ZFR2: variants seen among roughly 807,000 people sequenced by gnomAD.
ZFR2 encodes the protein zinc finger RNA-binding protein 2.
ZFR2 carries 104 observed loss-of-function variants against 105.7 expected under a neutral mutation model. The ratio of observed to expected loss-of-function variants is 0.98; its 90% confidence interval spans 0.84 to 1.16. The LOEUF is 1.16. ZFR2 is among the 50% of genes most tolerant of loss of function. ZFR2 has a pLI of 0.00. For missense variants in ZFR2, 1,425 were observed against 1,355.5 expected (o/e 1.05, Z -0.80); for synonymous variants, 634 against 597.7 (o/e 1.06, Z -0.89).
At position 3,804,217 on chromosome 19, in the gene ZFR2, A is replaced by C. The variant is rs79534907; in HGVS notation, c.*1732T>G. 11,312 of 152,258 alleles carry C rather than the reference A, an allele frequency of 0.074. 1,271 individuals carry two copies. The highest frequency in any genetic ancestry group is 0.25 in the African/African-American group (10,213 of 41,474). 9.4% of individuals were successfully genotyped at this position (152,258 alleles called of 1,614,324 possible). A position where few individuals can be genotyped will look rare whatever the true frequency, so the allele number is the denominator to read the frequency against. Reference sequence around the variant, plus strand: ...TGGGCAGCTGGCCAAAGAAAAAAAAACTGACCAAGCGGAAGGTTTGAACAG... The same window carrying C: ...TGGGCAGCTGGCCAAAGAAAAAAAACCTGACCAAGCGGAAGGTTTGAACAG... On this transcript the variant is annotated 3_prime_UTR_variant, in exon 19 of 19. Transcript: ENST00000262961.
chr19:3,833,846 G>T, intron 2 of ZFR2, 68 bp from the exon 3 acceptor site: 1 of 1,235,752 alleles, frequency 8.1e-7, no homozygotes, highest in Non-Finnish European at 1.1e-6. Flanking sequence ...TGGGTGCGAC[G>T]CGCCCTGCCA....
At position 3,827,556 on chromosome 19, in the gene ZFR2, G is replaced by C. The variant is rs564576533; in HGVS notation, c.950C>G (p.Ala317Gly). ...QPNGSPRGVQ[A>G]QLHCDLCAVS... ...GGCGCACAGGTCGCAATGCAGCTGCGCCTGCACCCCGCGCGGGCTCCCGTT... is the reference window on the plus strand; with the variant it reads ...GGCGCACAGGTCGCAATGCAGCTGCCCCTGCACCCCGCGCGGGCTCCCGTT... Residue 317 changes from alanine (A) to glycine (G), a missense_variant, in exon 6 of 19, where the codon GCG (alanine) becomes GGG (glycine). Coordinates refer to ENST00000262961, the MANE Select transcript of ZFR2 (RefSeq NM_015174.2). 6.4e-7 allele frequency: 1 copy of C among 1,564,180 alleles called. No individual in the cohort carries two copies.
At chr19:3,807,570 C>T (rs138326070) in intron 17 of ZFR2, among the ~76,000 whole-genome samples, 156 of 151,788 alleles carry the variant, frequency 1.0e-3, no homozygotes, top group African/African-American at 3.3e-3. Flanking sequence ...TGTGTCCATG[C>T]GTGCCCATGT....
At chr19:3,827,832 A>T (rs2037969514) in intron 5 of ZFR2, among the ~76,000 whole-genome samples, 179 bp from the exon 6 acceptor site, 2 of 151,770 alleles carry the variant, frequency 1.3e-5, no homozygotes, top group South Asian at 4.1e-4. Context: ...TCTTATTTTT[A>T]TTTTTTGAGA....
At chr19:3,826,668 C>T (rs2037953787) in intron 6 of ZFR2, among the ~76,000 whole-genome samples, 1 of 151,808 alleles carries the variant, frequency 6.6e-6, no homozygotes, top group African/African-American at 2.4e-5. Context: ...AGGCTCCCAA[C>T]CTCATGCGAT....
At chr19:3,825,120 C>T (rs2037934156) in intron 7 of ZFR2, 110 bp downstream of exon 7, 2 of 1,300,768 alleles carry the variant, frequency 1.5e-6, no homozygotes, top group Non-Finnish European at 2.0e-6. Context: ...CCTCACCACC[C>T]CCCGGGAAGA....
Position 3,820,868 on chromosome 19 carries a change from G to C in ZFR2, c.1631+472C>G, listed in dbSNP as rs1236771485. On this transcript the variant is annotated intron_variant, in intron 10 of 18. Transcript: ENST00000262961. ...GACACCGGGGGTCGGGGGACACAGG[G>C]ACACTAGAGGTCGGGGGACACAGGG... Among the ~76,000 whole-genome samples, 119 of 117,414 alleles carry C rather than the reference G, an allele frequency of 1.0e-3. 8 individuals carry two copies. Among genetic ancestry groups the C allele is most frequent in the African/African-American group, 2.8e-3 (86 of 30,756 alleles). 77.0% of individuals were successfully genotyped at this position (117,414 alleles called of 152,430 possible). A position where few individuals can be genotyped will look rare whatever the true frequency, so the allele number is the denominator to read the frequency against.
At chr19:3,852,538 C>T (rs2038251579) in intron 1 of ZFR2, 1 of 718,494 alleles carries the variant, frequency 1.4e-6, no homozygotes, top group Admixed American at 2.0e-5. Flanking sequence ...GCGTCACTTC[C>T]ACTGCAGCCA....
chr19:3,845,864 G>T (rs2038179816), intron 1 of ZFR2, among the ~76,000 whole-genome samples: 1 of 152,222 alleles, frequency 6.6e-6, no homozygotes, highest in African/African-American at 2.4e-5. Context: ...CATATTCAGA[G>T]GTACTGAGGG....
Position 3,833,743 on chromosome 19 carries a change from C to G in ZFR2, c.300G>C (p.Arg100Ser). 6.3e-7 allele frequency: 1 copy of G among 1,583,162 alleles called. No individual in the cohort carries two copies. The highest frequency in any genetic ancestry group is 2.3e-5 in the East Asian group (1 of 43,396). Residue 100 changes from arginine (R) to serine (S), a missense_variant, in exon 3 of 19, where the codon AGG (arginine) becomes AGC (serine). Arg to Ser is a moderately radical substitution (Grantham distance 110). Coordinates refer to ENST00000262961, the MANE Select transcript of ZFR2 (RefSeq NM_015174.2). The part of the protein sequence containing the change: ...SYSYGQSAAA[R>S]SYEDRPYFQS... ...GGAAGTACGGCCTGTCCTCATAGCT[C>G]CTGGCAGCTGCTGACTGTCCGTAGC...
At chr19:3,845,495 G>C (rs894480347) in intron 1 of ZFR2, among the ~76,000 whole-genome samples, 9 of 149,470 alleles carry the variant, frequency 6.0e-5, no homozygotes, top group African/African-American at 2.2e-4. Flanking sequence ...AAAAAAAAAA[G>C]GTAAAACTGC....
intron 6 of ZFR2, among the ~76,000 whole-genome samples, chr19:3,826,858 C>T (rs1461820894): frequency 2.0e-5 from 3 of 152,242 alleles, no homozygotes; most frequent in African/African-American, 7.2e-5. Context: ...TGTCTGTCAC[C>T]ACGCCCGAAT....
chr19:3,835,943 ACT>A (rs2038073587), intron 1 of ZFR2, among the ~76,000 whole-genome samples: 1 of 151,916 alleles, frequency 6.6e-6, no homozygotes, highest in Non-Finnish European at 1.5e-5. Context: ...ACAGAGTAAG[ACT>A]CTGTCTCAAA....
chr19:3,814,084 C>A, intron 13 of ZFR2, 126 bp from the exon 14 acceptor site: 1 of 1,413,316 alleles, frequency 7.1e-7, no homozygotes, highest in South Asian at 1.3e-5. Context: ...TGCCTGGGTG[C>A]CGGGCCCTGT....
At position 3,819,372 on chromosome 19, in the gene ZFR2, GCA is replaced by G; in HGVS notation, c.1741-139_1741-138del. 3.3e-6 allele frequency: 3 copies of G among 916,188 alleles called. No homozygotes were observed. The Admixed American group carries it at 9.6e-5, about 29-fold the overall frequency. 56.8% of individuals were successfully genotyped at this position (916,188 alleles called of 1,614,324 possible). On this transcript the variant is annotated intron_variant, in intron 11 of 18. Coordinates refer to ENST00000262961, the MANE Select transcript of ZFR2 (RefSeq NM_015174.2). ...CAGCGTGGCCAGGTGAGAATCCAGT[GCA>G]CACAGAGAGCCCCGGGGTGGGGAAC... is the stretch of plus-strand genomic sequence containing the variant.
chr19:3,859,545 G>T (rs1182010635), intron 1 of ZFR2, among the ~76,000 whole-genome samples: 2 of 152,210 alleles, frequency 1.3e-5, no homozygotes, highest in African/African-American at 4.8e-5. Context: ...CCCGGGAACC[G>T]CTGGAGAACA....
intron 18 of ZFR2, among the ~76,000 whole-genome samples, chr19:3,806,373 C>T (rs894663021): frequency 6.6e-6 from 1 of 152,264 alleles, no homozygotes; most frequent in African/African-American, 2.4e-5. Flanking sequence ...AGTGATTCTC[C>T]TGCCTCAGCC....
intron 8 of ZFR2, among the ~76,000 whole-genome samples, chr19:3,822,560 A>G (rs563637390): frequency 6.6e-6 from 1 of 152,152 alleles, no homozygotes; most frequent in South Asian, 2.1e-4. Context: ...AATAAAAAAT[A>G]CAAAAATTAG....
rs760835451 is a variant in ZFR2, at chr19:3,858,252, G to A, written c.53+10713C>T. On this transcript the variant is annotated intron_variant, in intron 1 of 18. Coordinates refer to ENST00000262961, the MANE Select transcript of ZFR2 (RefSeq NM_015174.2). The surrounding 1 kb of genome is among the most constrained non-coding windows in gnomAD (Gnocchi z 4.3). ...ATGCTCTTGCTTGCTCCGAAGAGAC[G>A]GAGCAGGCTTAGGTGTGGTCCACAC... Among the ~76,000 whole-genome samples the A allele has an allele frequency of 1.6e-4, 25 of 152,234 alleles. No homozygotes were observed. The East Asian group carries it at 1.7e-3, about 11-fold the overall frequency.
Sources: gnomAD v4.1 joint callset for allele counts (sites outside exome capture counted in the v4.1 genomes callset) on GRCh38, gnomAD v4.1.1 for gene constraint, Gnocchi (gnomAD v3.1) non-coding constraint, MANE v1.5 for transcripts, NCBI Gene and HGNC (gene_info 2026-07-23, HGNC 2026-07-21) for gene names.